HIP1: variants seen among roughly 807,000 people sequenced by gnomAD.
HIP1 encodes the protein huntingtin interacting protein 1.
Under a neutral mutation model 147.6 loss-of-function variants are expected in HIP1, and 65 were observed. That is an observed-to-expected ratio of 0.44 (90% CI 0.36 to 0.54). HIP1 has a LOEUF of 0.54. HIP1 is among the 20% of genes least tolerant of loss of function. HIP1 has a pLI of 0.00. For synonymous variants in HIP1, 479 were observed against 504.0 expected (o/e 0.95, Z 0.67); for missense variants, 1,061 against 1,299.6 (o/e 0.82, Z 2.82).
At chr7:75,561,917 G>A (rs1795241722) in intron 12 of HIP1, among the ~76,000 whole-genome samples, 156 bp downstream of exon 12, 1 of 152,204 alleles carries the variant, frequency 6.6e-6, no homozygotes, top group African/African-American at 2.4e-5. Context: ...CACATGTTGG[G>A]ATTACAGGCA....
chr7:75,654,920 C>A (rs782124262), intron 1 of HIP1, among the ~76,000 whole-genome samples: 1 of 151,996 alleles, frequency 6.6e-6, no homozygotes, highest in Non-Finnish European at 1.5e-5. Context: ...GAGGCTTAGG[C>A]AGGAGGATCT....
intron 1 of HIP1, among the ~76,000 whole-genome samples, chr7:75,728,256 T>C (rs1356939373): frequency 6.6e-6 from 1 of 152,138 alleles, no homozygotes; most frequent in African/African-American, 2.4e-5. Context: ...AAGATGCCAT[T>C]CTCTCTTCCT....
In HIP1 at chr7:75,651,460, C is replaced by CAAAAAA. The variant is rs1168846001; in HGVS notation, c.121-52219_121-52214dup. Among the ~76,000 whole-genome samples, 82 of 44,132 alleles carry CAAAAAA rather than the reference C, an allele frequency of 1.9e-3. 1 individual carries two copies. Among genetic ancestry groups the CAAAAAA allele is most frequent in the African/African-American group, 2.5e-3 (42 of 16,946 alleles). 29.0% of individuals were successfully genotyped at this position (44,132 alleles called of 152,430 possible). On this transcript the variant is annotated intron_variant, in intron 1 of 30. Coordinates refer to ENST00000336926, the MANE Select transcript of HIP1 (RefSeq NM_005338.7). ...GGTTACAGAGTGAGACTCCATATCT[C>CAAAAAA]AAAAAAAAAAAAAAAAAAAAAAAAA...
At chr7:75,646,690 C>T (rs939611844) in intron 1 of HIP1, among the ~76,000 whole-genome samples, 12 of 152,340 alleles carry the variant, frequency 7.9e-5, no homozygotes, top group African/African-American at 2.4e-4. Context: ...GCTGAGATCA[C>T]TTTTGGTTGA....
At chr7:75,684,889 A>G (rs1554517428) in intron 1 of HIP1, among the ~76,000 whole-genome samples, 2 of 152,070 alleles carry the variant, frequency 1.3e-5, no homozygotes, top group African/African-American at 4.8e-5. Context: ...CAGGAGATCG[A>G]GACCATCCTG....
chr7:75,660,973 CA>C (rs1237227806), intron 1 of HIP1, among the ~76,000 whole-genome samples: 1 of 151,434 alleles, frequency 6.6e-6, no homozygotes, highest in African/African-American at 2.4e-5. Flanking sequence ...CTGCAGGCAG[CA>C]AAAAAAATCA....
rs782513612 is a variant in HIP1, at chr7:75,559,855, C to T, written c.1252G>A (p.Glu418Lys). 51 of 1,612,414 alleles carry T rather than the reference C, an allele frequency of 3.2e-5. No homozygotes were observed. The highest frequency in any genetic ancestry group is 3.6e-5 in the Non-Finnish European group (42 of 1,179,862). Residue 418 changes from glutamate to lysine, a missense_variant, in exon 14 of 31, where the codon GAG (glutamate) becomes AAG (lysine). By Grantham distance (56) the Glu-to-Lys change is moderately conservative. This residue lies in a region of HIP1 where 810 missense variants were observed against 946.8 expected (regional missense o/e 0.86). Coordinates refer to ENST00000336926, the MANE Select transcript of HIP1 (RefSeq NM_005338.7). ...GCCTGCTGCCGCAGGTGCTGCTGCT[C>T]GGCCAGATCTGCTTCCAGCTCGCTG... The part of the protein sequence containing the change: ...HVSELEADLA[E>K]QQHLRQQAAD...
chr7:75,546,865 TCA>T (rs1794584079), intron 25 of HIP1, 72 bp downstream of exon 25: 3 of 1,054,070 alleles, frequency 2.8e-6, no homozygotes, highest in Admixed American at 4.0e-5. Context: ...GACGGCAGCA[TCA>T]CAGAGTCCGT....
intron 1 of HIP1, among the ~76,000 whole-genome samples, chr7:75,696,985 C>T (rs1407505087): frequency 6.6e-6 from 1 of 151,568 alleles, no homozygotes; most frequent in Non-Finnish European, 1.5e-5. Context: ...TCTGCCTTCC[C>T]AAGGATTTTT....
chr7:75,731,500 C>T (rs536706539), intron 1 of HIP1, among the ~76,000 whole-genome samples: 148 of 127,660 alleles, frequency 1.2e-3, no homozygotes, highest in Non-Finnish European at 2.2e-3. Context: ...AAAAAAAAAA[C>T]GCCAGCTCTG....
At chr7:75,627,267 A>G (rs1013552574) in intron 1 of HIP1, among the ~76,000 whole-genome samples, 3 of 152,156 alleles carry the variant, frequency 2.0e-5, no homozygotes, top group Non-Finnish European at 2.9e-5. Flanking sequence ...TTTCCAAATA[A>G]ATGAATGAAT....
At chr7:75,670,632 C>T (rs1452952799) in intron 1 of HIP1, among the ~76,000 whole-genome samples, 2 of 151,944 alleles carry the variant, frequency 1.3e-5, no homozygotes, top group African/African-American at 4.8e-5. Flanking sequence ...TTTTTTGAGA[C>T]AGGGTCTTGT....
At chr7:75,717,243 G>A (rs568667670) in intron 1 of HIP1, among the ~76,000 whole-genome samples, 1 of 152,174 alleles carries the variant, frequency 6.6e-6, no homozygotes, top group East Asian at 1.9e-4. Flanking sequence ...GGAGAATGAT[G>A]GATCATTGGT....
chr7:75,687,607 C>T (rs573933827), intron 1 of HIP1, among the ~76,000 whole-genome samples: 81 of 152,302 alleles, frequency 5.3e-4, no homozygotes, highest in Middle Eastern at 3.4e-3. Context: ...AGGAGTATTG[C>T]TTGAACCCAG....
At chr7:75,631,141 T>A (rs57527985) in intron 1 of HIP1, among the ~76,000 whole-genome samples, 6,400 of 102,214 alleles carry the variant, frequency 0.063, 124 homozygotes, top group Middle Eastern at 0.08. Context: ...GTTTTTTAAA[T>A]TTTTTTTTTT....
At position 75,657,555 on chromosome 7, in the gene HIP1, T is replaced by A. The variant is rs2905864; in HGVS notation, c.121-58308A>T. 8.8e-3 allele frequency among the ~76,000 whole-genome samples: 1,319 copies of A among 150,498 alleles called. 20 individuals are homozygous for A. The highest frequency in any genetic ancestry group is 0.03 in the African/African-American group (1,233 of 41,086). On this transcript the variant is annotated intron_variant, in intron 1 of 30. Transcript: ENST00000336926. The stretch of plus-strand genomic sequence containing the variant: ...AAAAAAAAAAAAAAGCAATTAAATT[T>A]AAAAAAAAGAACAATATCATGTCCT...
intron 1 of HIP1, among the ~76,000 whole-genome samples, chr7:75,688,605 G>A (rs1311997304): frequency 1.3e-5 from 2 of 152,028 alleles, no homozygotes; most frequent in African/African-American, 4.8e-5. Flanking sequence ...CCCGCCGTCC[G>A]GGTCTGGCCC....
At chr7:75,677,149 C>A (rs1799921094) in intron 1 of HIP1, among the ~76,000 whole-genome samples, 2 of 151,672 alleles carry the variant, frequency 1.3e-5, no homozygotes, top group Admixed American at 1.3e-4. Flanking sequence ...GGGCCGAGAT[C>A]GTGCCATTGC....
intron 1 of HIP1, among the ~76,000 whole-genome samples, chr7:75,724,396 C>T (rs1008196935): frequency 1.3e-5 from 2 of 151,682 alleles, no homozygotes; most frequent in Non-Finnish European, 2.9e-5. Context: ...TACAGGCACC[C>T]GGCACCATGC....
Sources: gnomAD v4.1 joint callset for allele counts (sites outside exome capture counted in the v4.1 genomes callset) on GRCh38, gnomAD v4.1.1 for gene constraint, gnomAD v4.1.1 regional missense constraint, MANE v1.5 for transcripts, NCBI Gene and HGNC (gene_info 2026-07-23, HGNC 2026-07-21) for gene names.